Variants in PCDH11X observed in about 807,000 individuals in gnomAD.
PCDH11X encodes protocadherin 11 X-linked.
In PCDH11X, 18 loss-of-function variants were observed where a neutral mutation model predicts 53.3. That is an observed-to-expected ratio of 0.34 (90% CI 0.23 to 0.50). The LOEUF (loss-of-function observed/expected upper bound fraction) is 0.50. PCDH11X is among the 20% of genes least tolerant of loss of function. The pLI is 0.98. For synonymous variants in PCDH11X, 279 were observed against 393.3 expected (o/e 0.71, Z 3.44); for missense variants, 570 against 1,032.4 (o/e 0.55, Z 6.14).
chrX:92,084,462 G>A (rs748139915), intron 6 of PCDH11X, among the ~76,000 whole-genome samples: 6 of 104,930 alleles, frequency 5.7e-5, no homozygotes, highest in South Asian at 4.3e-4. Flanking sequence ...CAGGAGAATC[G>A]CTTGAACCCG....
chrX:92,604,351 C>G (rs1926560276), intron 10 of PCDH11X, among the ~76,000 whole-genome samples: 1 of 109,312 alleles, frequency 9.1e-6, no homozygotes, highest in Non-Finnish European at 1.9e-5. Context: ...CTCTATGTCC[C>G]ATGGAATTAA....
chrX:92,297,047 G>T, intron 8 of PCDH11X, among the ~76,000 whole-genome samples: 1 of 78,540 alleles, frequency 1.3e-5, no homozygotes, highest in Admixed American at 1.6e-4. Flanking sequence ...ATGGATATTA[G>T]ACCTTTGTTG....
chrX:91,911,579 G>T (rs1396884325), intron 6 of PCDH11X, among the ~76,000 whole-genome samples: 13 of 107,828 alleles, frequency 1.2e-4, no homozygotes, highest in African/African-American at 4.1e-4. Flanking sequence ...CTATATTTTT[G>T]TGTCCATTAA....
chrX:92,556,585 T>C (rs1389373517), intron 10 of PCDH11X, among the ~76,000 whole-genome samples: 1 of 112,099 alleles, frequency 8.9e-6, no homozygotes, highest in African/African-American at 3.2e-5. Flanking sequence ...TGGACTCTCA[T>C]GGTCTTAGGC....
chrX:91,810,645 T>C (rs1213364905), intron 3 of PCDH11X, 67 bp downstream of exon 3: 1 of 111,959 alleles, frequency 8.9e-6, no homozygotes, highest in African/African-American at 3.2e-5. Flanking sequence ...TATGAATTGA[T>C]AACAAGAGGC....
chrX:92,118,713 G>A (rs1429705928), intron 6 of PCDH11X, among the ~76,000 whole-genome samples: 6 of 87,681 alleles, frequency 6.8e-5, no homozygotes, highest in Non-Finnish European at 2.3e-5. Flanking sequence ...CATATTATTG[G>A]TTTGGTTATA....
chrX:92,542,508 C>T (rs2074775284), intron 10 of PCDH11X, among the ~76,000 whole-genome samples: 1 of 110,575 alleles, frequency 9.0e-6, no homozygotes, highest in African/African-American at 3.3e-5. Context: ...AATAAAACCA[C>T]ATTTTTATAT....
intron 5 of PCDH11X, among the ~76,000 whole-genome samples, chrX:91,865,946 C>T (rs1245867372): frequency 1.8e-5 from 2 of 109,599 alleles, no homozygotes; most frequent in Non-Finnish European, 3.8e-5. Context: ...ACCCAAGGGT[C>T]GTGTCCTGGA....
At chrX:92,594,839 C>T (rs1267688382) in intron 10 of PCDH11X, among the ~76,000 whole-genome samples, 3 of 61,770 alleles carry the variant, frequency 4.9e-5, no homozygotes, top group African/African-American at 2.2e-4. Flanking sequence ...TAAAACATTG[C>T]TATTTTTTTT....
At chrX:92,209,816 G>A (rs1216018912) in intron 7 of PCDH11X, among the ~76,000 whole-genome samples, 4 of 112,420 alleles carry the variant, frequency 3.6e-5, no homozygotes, top group Non-Finnish European at 7.5e-5. Flanking sequence ...CCTGGACATT[G>A]AGGTTTTTCC....
At chrX:91,910,391 C>A (rs1021456557) in intron 6 of PCDH11X, among the ~76,000 whole-genome samples, 14 of 109,710 alleles carry the variant, frequency 1.3e-4, no homozygotes, top group African/African-American at 4.0e-4. Flanking sequence ...TTCACATATG[C>A]GGTGAAATGT....
At chrX:92,353,817 T>G (rs2070120324) in intron 8 of PCDH11X, among the ~76,000 whole-genome samples, 1 of 110,856 alleles carries the variant, frequency 9.0e-6, no homozygotes, top group African/African-American at 3.3e-5. Flanking sequence ...ATAATTATAT[T>G]ATCTTTACAT....
At chrX:92,201,328 C>T in intron 6 of PCDH11X, 47 bp from the exon 7 acceptor site, 2 of 1,173,098 alleles carry the variant, frequency 1.7e-6, no homozygotes, top group Non-Finnish European at 2.3e-6. Context: ...GTGTATTTTA[C>T]TTTTAACAAA....
chrX:92,010,491 T>C, intron 6 of PCDH11X, among the ~76,000 whole-genome samples: 1 of 110,911 alleles, frequency 9.0e-6, no homozygotes, highest in Non-Finnish European at 1.9e-5. Context: ...AGAATTATTA[T>C]AAATTCATCA....
At chrX:92,497,955 T>A (rs2073888479) in intron 10 of PCDH11X, among the ~76,000 whole-genome samples, 1 of 111,994 alleles carries the variant, frequency 8.9e-6, no homozygotes, top group Admixed American at 9.5e-5. Context: ...AAGAATAATA[T>A]CTGCCTGATG....
chrX:92,045,606 G>T (rs1298653306), intron 6 of PCDH11X, among the ~76,000 whole-genome samples: 8 of 105,133 alleles, frequency 7.6e-5, no homozygotes, highest in African/African-American at 2.8e-4. Flanking sequence ...AGGTCAAAGA[G>T]TTCAGTTGAC....
At chrX:92,535,925 C>T (rs1414938705) in intron 10 of PCDH11X, among the ~76,000 whole-genome samples, 1 of 107,696 alleles carries the variant, frequency 9.3e-6, no homozygotes, top group Non-Finnish European at 1.9e-5. Context: ...GAATAAAATA[C>T]ATTTCAGAGT....
intron 6 of PCDH11X, among the ~76,000 whole-genome samples, chrX:92,146,183 TG>T (rs1194081159): frequency 9.0e-6 from 1 of 111,002 alleles, no homozygotes; most frequent in Non-Finnish European, 1.9e-5. Context: ...CGAGAAAGAA[TG>T]GGCCAATAAA....
At chrX:92,389,752 T>C (rs1347274024) in intron 9 of PCDH11X, among the ~76,000 whole-genome samples, 1 of 111,135 alleles carries the variant, frequency 9.0e-6, no homozygotes, top group Non-Finnish European at 1.9e-5. Flanking sequence ...TTCAAATGCA[T>C]AGTTCTTAAC....
Sources: gnomAD v4.1 joint callset for allele counts (sites outside exome capture counted in the v4.1 genomes callset) on GRCh38, gnomAD v4.1.1 for gene constraint, MANE v1.5 for transcripts, NCBI Gene and HGNC (gene_info 2026-07-23, HGNC 2026-07-21) for gene names.